Variants in MACIR observed in about 807,000 individuals in gnomAD.
MACIR encodes the protein UNC119-binding protein C5orf30.
In MACIR, 4 loss-of-function variants were observed where a neutral mutation model predicts 14.3. The ratio of observed to expected loss-of-function variants is 0.28; its 90% CI spans 0.14 to 0.64. The LOEUF is 0.64. Among genes scored for constraint, MACIR ranks in the 30% least tolerant of loss-of-function variants. The pLI is 0.83. For synonymous variants in MACIR, 101 were observed against 102.4 expected (o/e 0.99, Z 0.08); for missense variants, 228 against 257.6 (o/e 0.89, Z 0.79).
Position 103,276,294 on chromosome 5 carries a change from G to C in MACIR, c.375G>C (p.Arg125Ser), listed in dbSNP as rs782335910. ...ACGAGATTCCAGCTGTCAATGGCAG[G>C]AGGCGAAGGCGGATGCCAAGCTCAG... ...QPYEIPAVNG[R>S]RRRRMPSSGD... The change falls in exon 3 of 3, where the codon AGG becomes AGC. Residue 125 changes from arginine to serine, a missense_variant. Transcript: ENST00000319933. 2 of 1,612,304 alleles carry C rather than the reference G, an allele frequency of 1.2e-6. No homozygotes were observed. The highest frequency in any genetic ancestry group is 2.7e-5 in the African/African-American group (2 of 74,236).
rs1554237725 is a variant in MACIR, at chr5:103,276,348, T to G, written c.429T>G (p.Tyr143Ter). Reference protein sequence around the residue: ...SGDKCTKSLPYEPYKALHGPL... With the variant: ...SGDKCTKSLP ...ACAAGTGCACTAAATCTTTACCTTA[T>G]GAACCTTACAAGGCCCTCCATGGGC... The change falls in exon 3 of 3, where the codon TAT (tyrosine) becomes TAG (stop). Residue 143 changes from tyrosine (Y) to a stop codon, truncating the protein, a stop_gained. Transcript: ENST00000319933. LOFTEE classifies it high-confidence loss of function. The G allele has an allele frequency of 6.2e-7, 1 of 1,613,502 alleles. No homozygotes were observed.
In MACIR at chr5:103,276,364, C is replaced by T; in HGVS notation, c.445C>T (p.Leu149Phe). The T allele has an allele frequency of 6.2e-7, 1 of 1,613,678 alleles. No individual in the cohort carries two copies. The highest frequency in any genetic ancestry group is 8.5e-7 in the Non-Finnish European group (1 of 1,179,936). Residue 149 changes from leucine to phenylalanine, a missense_variant, in exon 3 of 3, where the codon CTC becomes TTC. Leu to Phe is a conservative substitution (Grantham distance 22). Coordinates refer to ENST00000319933, the MANE Select transcript of MACIR (RefSeq NM_033211.4). The stretch of plus-strand genomic sequence containing the variant: ...TTTACCTTATGAACCTTACAAGGCC[C>T]TCCATGGGCCTCTGCCTCTTTGTCT... ...KSLPYEPYKA[L>F]HGPLPLCLLK...
chr5:103,261,654 C>CT (rs1273660826), intron 1 of MACIR, among the ~76,000 whole-genome samples: 1 of 95,506 alleles, frequency 1.0e-5, no homozygotes, highest in African/African-American at 4.7e-5. Flanking sequence ...TTCTTTCTTT[C>CT]TTTCTTTCTT....
intron 2 of MACIR, among the ~76,000 whole-genome samples, chr5:103,270,889 A>G (rs952029755): frequency 6.6e-6 from 1 of 152,166 alleles, no homozygotes; most frequent in Non-Finnish European, 1.5e-5. Context: ...TCTCTCCATG[A>G]GAATTACATT....
chr5:103,261,157 G>A (rs1554236229), intron 1 of MACIR, among the ~76,000 whole-genome samples: 1 of 152,182 alleles, frequency 6.6e-6, no homozygotes, highest in African/African-American at 2.4e-5. Context: ...TAAAAGAACT[G>A]ATACTAGAAA....
rs1213400032 is a variant in MACIR, at chr5:103,276,090, C to T, written c.171C>T (p.Asp57=). 2.0e-5 allele frequency: 32 copies of T among 1,614,078 alleles called. No homozygotes were observed. The highest frequency in any genetic ancestry group is 2.6e-5 in the Non-Finnish European group (31 of 1,180,030). ...CAGGCTACCAGATCCTACACATGGA[C>T]TCTAACTATTTGGTTGGCTTCACGA... ...TVSGYQILHM[D]SNYLVGFTTG... is the part of the protein sequence containing the mutation. The change falls in exon 3 of 3, where the codon GAC becomes GAT. Residue 57 remains aspartate (D), a synonymous_variant. Transcript: ENST00000319933.
intron 1 of MACIR, among the ~76,000 whole-genome samples, chr5:103,260,535 C>T (rs1562545071): frequency 6.6e-6 from 1 of 152,014 alleles, no homozygotes; most frequent in Admixed American, 6.6e-5. Context: ...AATACAGAGA[C>T]CTGTTAATTT....
chr5:103,260,087 G>A (rs1485435772), intron 1 of MACIR, among the ~76,000 whole-genome samples: 2 of 147,734 alleles, frequency 1.4e-5, no homozygotes, highest in African/African-American at 4.9e-5. Context: ...TTGTGTGTGT[G>A]TGGTGCACAG....
chr5:103,276,801 A>G lies in MACIR; in HGVS notation c.*261A>G, dbSNP rs75738699. 4.6e-3 allele frequency: 1,497 copies of G among 326,606 alleles called. 20 individuals carry two copies. The highest frequency in any genetic ancestry group is 0.028 in the African/African-American group (1,308 of 46,760). 20.2% of individuals were successfully genotyped at this position (326,606 alleles called of 1,614,324 possible). On this transcript the variant is annotated 3_prime_UTR_variant, in exon 3 of 3. Transcript: ENST00000319933. The stretch of plus-strand genomic sequence containing the variant: ...AGTTTGTATAGCTTTTTAGCTAGGA[A>G]AAAAAGGCTTTGGTACAGTAATTTC...
intron 2 of MACIR, among the ~76,000 whole-genome samples, chr5:103,268,161 T>C (rs1804993741): frequency 6.6e-6 from 1 of 152,206 alleles, no homozygotes; most frequent in Non-Finnish European, 1.5e-5. Flanking sequence ...GGTGTTTGTA[T>C]GGACGTGTAT....
intron 1 of MACIR, among the ~76,000 whole-genome samples, chr5:103,263,716 G>A (rs1248054598): frequency 1.3e-5 from 2 of 152,126 alleles, no homozygotes; most frequent in African/African-American, 2.4e-5. Context: ...TATTTCTAAT[G>A]TTCCTCCTGC....
chr5:103,264,840 A>G (rs1804864148), intron 1 of MACIR, among the ~76,000 whole-genome samples: 1 of 152,120 alleles, frequency 6.6e-6, no homozygotes, highest in East Asian at 1.9e-4. Context: ...TAATAAAGTT[A>G]CAAACTCCTT....
chr5:103,260,206 A>G (rs1554236112), intron 1 of MACIR, among the ~76,000 whole-genome samples: 2 of 149,462 alleles, frequency 1.3e-5, no homozygotes, highest in African/African-American at 2.5e-5. Flanking sequence ...TTCTGATGTT[A>G]CTAGACTCAT....
chr5:103,262,022 G>A (rs1219027093), intron 1 of MACIR, among the ~76,000 whole-genome samples: 3 of 152,016 alleles, frequency 2.0e-5, no homozygotes, highest in Admixed American at 1.3e-4. Context: ...TGAGATTCAC[G>A]ACTTTTTTGT....
Position 103,276,596 on chromosome 5 carries a change from A to G in MACIR, c.*56A>G. ...GTCAGCCTACGCTTGGCTAGAAAAA[A>G]CCCACTGCTGTACTCTGTACATGAC... On this transcript the variant is annotated 3_prime_UTR_variant, in exon 3 of 3. Coordinates refer to ENST00000319933, the MANE Select transcript of MACIR (RefSeq NM_033211.4). 6.7e-7 allele frequency: 1 copy of G among 1,499,914 alleles called. No individual in the cohort carries two copies. The highest frequency in any genetic ancestry group is 2.3e-5 in the East Asian group (1 of 44,214). 92.9% of individuals were successfully genotyped at this position (1,499,914 alleles called of 1,614,324 possible). A position where few individuals can be genotyped will look rare whatever the true frequency, so the allele number is the denominator to read the frequency against.
At chr5:103,261,699 TTTC>T (rs1425469933) in intron 1 of MACIR, among the ~76,000 whole-genome samples, 14 of 115,372 alleles carry the variant, frequency 1.2e-4, no homozygotes, top group African/African-American at 3.5e-4. Context: ...TCTTTCTTTC[TTTC>T]TTCCTTTCTT....
At chr5:103,275,558 C>T (rs367673093) in intron 2 of MACIR, among the ~76,000 whole-genome samples, 2 of 152,138 alleles carry the variant, frequency 1.3e-5, no homozygotes, top group African/African-American at 4.8e-5. Context: ...GTATTTGACT[C>T]GCTTGATATT....
intron 2 of MACIR, among the ~76,000 whole-genome samples, chr5:103,274,593 G>T (rs1386665995): frequency 1.3e-5 from 2 of 151,238 alleles, no homozygotes; most frequent in Non-Finnish European, 2.9e-5. Context: ...CGTGGTATCT[G>T]GTAACTTCAC....
rs781788724 is a variant in MACIR, at chr5:103,277,222, A to C, written c.*682A>C. On this transcript the variant is annotated 3_prime_UTR_variant, in exon 3 of 3. Transcript: ENST00000319933. ...GCGTTATTAAAGTGTGTCTTAATAA[A>C]ATTAAATTTGGGATACAAAGTATTT... is the stretch of plus-strand genomic sequence containing the variant. 1.8e-5 allele frequency: 3 copies of C among 167,178 alleles called. No individual in the cohort carries two copies. The highest frequency in any genetic ancestry group is 1.3e-4 in the Admixed American group (2 of 15,300). 10.4% of individuals were successfully genotyped at this position (167,178 alleles called of 1,614,324 possible).
Sources: allele counts gnomAD v4.1 joint callset (sites outside exome capture counted in the v4.1 genomes callset), GRCh38; gene constraint gnomAD v4.1.1; transcripts MANE v1.5; gene names NCBI Gene and HGNC (gene_info 2026-07-23, HGNC 2026-07-21).